IL10RA: variants seen among roughly 807,000 people sequenced by gnomAD.
IL10RA encodes the protein interleukin-10 receptor subunit alpha.
A neutral mutation model predicts 29.6 loss-of-function variants in IL10RA; 18 were observed. The observed-to-expected ratio is 0.61, with a 90% CI of 0.42 to 0.90. The LOEUF is 0.90. Ranked by LOEUF, IL10RA falls within the 40% of genes least tolerant of loss-of-function variation. The pLI, the probability that IL10RA is intolerant of heterozygous loss-of-function variation, is 0.00. For missense variants in IL10RA, 634 were observed against 716.6 expected (o/e 0.88, Z 1.32); for synonymous variants, 292 against 294.1 (o/e 0.99, Z 0.07).
At chr11:117,988,615 C>T (rs2058003547) in intron 2 of IL10RA, 113 bp downstream of exon 2, 8 of 1,230,808 alleles carry the variant, frequency 6.5e-6, no homozygotes, top group Non-Finnish European at 9.4e-6. Flanking sequence ...CCTGAGGGCC[C>T]CTAACACATA....
chr11:117,995,738 C>A lies in IL10RA; in HGVS notation c.810+28C>A, dbSNP rs184863279. ...GAGTCTTGCAAGGAGGTCACTGCCC[C>A]GTCCTTCCCAGCCACACCCGAGCTT... On this transcript the variant is annotated intron_variant, in intron 6 of 6. Transcript: ENST00000227752. 6.2e-5 allele frequency: 100 copies of A among 1,608,646 alleles called. No homozygotes were observed. The Admixed American group carries it at 7.0e-4, about 11-fold the overall frequency.
rs768366983 is a variant in IL10RA, at chr11:118,000,046, G to A, written c.*405G>A. 17 of 462,218 alleles carry A rather than the reference G, an allele frequency of 3.7e-5. No individual in the cohort carries two copies. 28.6% of individuals were successfully genotyped at this position (462,218 alleles called of 1,614,324 possible). On this transcript the variant is annotated 3_prime_UTR_variant, in exon 7 of 7. Transcript: ENST00000227752. ...CTCAGACCCAGACCTCCCTGCTTAG[G>A]CCACTCGAGCATCAGAGCTTCCAGC...
chr11:117,997,116 C>A (rs1216253414), intron 6 of IL10RA, among the ~76,000 whole-genome samples: 1 of 152,204 alleles, frequency 6.6e-6, no homozygotes, highest in Non-Finnish European at 1.5e-5. Context: ...GATTTCAAAT[C>A]AGGACAGTTG....
chr11:117,986,658 C>A, intron 1 of IL10RA, 124 bp downstream of exon 1: 5 of 1,537,240 alleles, frequency 3.3e-6, no homozygotes, highest in South Asian at 2.4e-5. Flanking sequence ...CGGGTGCTCC[C>A]TTACTCTGGC....
chr11:117,995,519 C>T (rs1398614167), intron 5 of IL10RA, 70 bp from the exon 6 acceptor site: 1 of 1,595,852 alleles, frequency 6.3e-7, no homozygotes, highest in African/African-American at 1.3e-5. Flanking sequence ...TTCATGGGAC[C>T]AGAGTCCTAT....
chr11:117,992,541 A>G (rs1480412903), intron 3 of IL10RA, among the ~76,000 whole-genome samples: 2 of 152,092 alleles, frequency 1.3e-5, no homozygotes, highest in African/African-American at 2.4e-5. Flanking sequence ...AAACAGGTTT[A>G]TTTGTTTTCT....
Position 117,995,597 on chromosome 11 carries a change from G to A in IL10RA, c.697G>A (p.Val233Met), listed in dbSNP as rs41354146. The A allele has an allele frequency of 1.2e-3, 2,004 of 1,614,162 alleles. 9 individuals are homozygous for A. In the African/African-American group the frequency reaches 0.013, roughly 10 times the overall value. The change falls in exon 6 of 7, where the codon GTG (valine) becomes ATG (methionine). Residue 233 changes from valine to methionine, a missense_variant. Physicochemically the swap from Val to Met is conservative, Grantham distance 21. Coordinates refer to ENST00000227752, the MANE Select transcript of IL10RA (RefSeq NM_001558.4). ...CISLTRQYFTVTNVIIFFAFV... is the reference protein window; with the variant it reads ...CISLTRQYFTMTNVIIFFAFV... ...TCTCTCTGGGCCTGCAGATTTCACCGTGACCAACGTCATCATCTTCTTTGC... is the reference window on the plus strand; with the variant it reads ...TCTCTCTGGGCCTGCAGATTTCACCATGACCAACGTCATCATCTTCTTTGC...
rs991735793 is a variant in IL10RA at position 117,989,724 on chromosome 11, C to T, written c.367+104C>T. The T allele has an allele frequency of 4.9e-6, 6 of 1,214,104 alleles. No homozygotes were observed. In the African/African-American group the frequency reaches 9.0e-5, roughly 18 times the overall value. The allele number at this position is 1,214,104 out of a possible 1,614,324, so 75.2% of individuals were successfully genotyped here. A position where few individuals can be genotyped will look rare whatever the true frequency, so the allele number is the denominator to read the frequency against. On this transcript the variant is annotated intron_variant, in intron 3 of 6. Coordinates refer to ENST00000227752, the MANE Select transcript of IL10RA (RefSeq NM_001558.4). The surrounding 1 kb of genome is among the most constrained non-coding windows in gnomAD (Gnocchi z 4.5). ...TATTACCATAGCTCACCATGTCTGC[C>T]AGCCTCCCTGGCCGGAGAACTAGTT...
At chr11:117,994,771 A>G (rs925119873) in intron 5 of IL10RA, among the ~76,000 whole-genome samples, 8 of 152,292 alleles carry the variant, frequency 5.3e-5, no homozygotes, top group East Asian at 1.9e-4. Flanking sequence ...CCAGTGCCCA[A>G]TGAAACATGC....
At position 117,999,223 on chromosome 11, in the gene IL10RA, C is replaced by T; in HGVS notation, c.1319C>T (p.Ala440Val). 6.2e-7 allele frequency: 1 copy of T among 1,614,252 alleles called. No homozygotes were observed. The highest frequency in any genetic ancestry group is 1.1e-5 in the South Asian group (1 of 91,088). The change falls in exon 7 of 7, where the codon GCT becomes GTT. Residue 440 changes from alanine to valine, a missense_variant. Ala to Val is a moderately conservative substitution (Grantham distance 64). Transcript: ENST00000227752. The part of the protein sequence containing the change: ...PEVPGEEDPA[A>V]VAFQGYLRQT... Reference sequence around the variant, plus strand: ...GTGCCTGGGGAAGAAGACCCAGCTGCTGTGGCATTCCAGGGTTACCTGAGG... The same window carrying T: ...GTGCCTGGGGAAGAAGACCCAGCTGTTGTGGCATTCCAGGGTTACCTGAGG...
rs1193135307 is a variant in IL10RA at position 117,994,114 on chromosome 11, G to A, written c.653G>A (p.Trp218Ter). The change falls in exon 5 of 7, where the codon TGG becomes TAG. Residue 218 changes from tryptophan to a stop codon, truncating the protein, a stop_gained. Transcript: ENST00000227752. LOFTEE classifies it high-confidence loss of function. ...SVASRSNKGM[W>*]SKEECISLTR... ...GCTTCCCGAAGTAACAAGGGGATGT[G>A]GTCTAAAGAGGAGTGCATCTCCCTC... 1 of 1,614,030 alleles carries A rather than the reference G, an allele frequency of 6.2e-7. No individual in the cohort carries two copies. Among genetic ancestry groups the A allele is most frequent in the African/African-American group, 1.3e-5 (1 of 74,916 alleles).
At chr11:117,990,352 ATT>A (rs11355213) in intron 3 of IL10RA, among the ~76,000 whole-genome samples, 22,078 of 149,144 alleles carry the variant, frequency 0.15, 1,929 homozygotes, top group African/African-American at 0.24. Flanking sequence ...GGGCATCTGT[ATT>A]TTTTTTTTTT....
At chr11:117,995,445 G>C (rs534037259) in intron 5 of IL10RA, 144 bp from the exon 6 acceptor site, 12 of 985,552 alleles carry the variant, frequency 1.2e-5, no homozygotes, top group Non-Finnish European at 1.3e-5. Flanking sequence ...GACACATCTA[G>C]AGTTGTGGCC....
chr11:117,988,565 C>G (rs766261724), intron 2 of IL10RA, 63 bp downstream of exon 2: 2 of 1,591,950 alleles, frequency 1.3e-6, no homozygotes, highest in Non-Finnish European at 1.7e-6. Context: ...CTCTACTCTC[C>G]TAGCATGGGA....
At position 117,986,467 on chromosome 11, in the gene IL10RA, G is replaced by T. The variant is rs771652917; in HGVS notation, c.-1G>T. 6.4e-7 allele frequency: 1 copy of T among 1,553,352 alleles called. No homozygotes were observed. The highest frequency in any genetic ancestry group is 1.2e-5 in the South Asian group (1 of 84,216). ...GCCCCGGACGATGCGGCGCGCCCAG[G>T]ATGCTGCCGTGCCTCGTAGTGCTGC... On this transcript the variant is annotated 5_prime_UTR_variant, in exon 1 of 7. Coordinates refer to ENST00000227752, the MANE Select transcript of IL10RA (RefSeq NM_001558.4).
rs372503247 is a variant in IL10RA at position 117,999,443 on chromosome 11, G to A, written c.1539G>A (p.Thr513=). Reference sequence around the variant, plus strand: ...CTCTGGCTTCCTCAGGGGCCCCAACGGGACAGTGGAACCAGCCCACTGAGG... The same window carrying A: ...CTCTGGCTTCCTCAGGGGCCCCAACAGGACAGTGGAACCAGCCCACTGAGG... ...EMTLASSGAP[T]GQWNQPTEEW... Residue 513 remains threonine, a synonymous_variant, in exon 7 of 7, where the codon ACG becomes ACA. Coordinates refer to ENST00000227752, the MANE Select transcript of IL10RA (RefSeq NM_001558.4). 9.9e-5 allele frequency: 159 copies of A among 1,614,078 alleles called. 1 individual carries two copies. Among genetic ancestry groups the A allele is most frequent in the Non-Finnish European group, 1.2e-4 (140 of 1,180,024 alleles).
At chr11:117,987,339 G>A (rs1201911365) in intron 1 of IL10RA, 1 of 179,518 alleles carries the variant, frequency 5.6e-6, no homozygotes, top group African/African-American at 2.4e-5. Context: ...CTAATGTTTC[G>A]AAATCAAGGC....
chr11:117,988,376 C>G lies in IL10RA; in HGVS notation c.68-6C>G, dbSNP rs200115456. On this transcript the variant is annotated splice_region_variant and splice_polypyrimidine_tract_variant and intron_variant, in intron 1 of 6. Transcript: ENST00000227752. The stretch of plus-strand genomic sequence containing the variant: ...CCAGCTGTGGTACTGACACTCTTCT[C>G]CCCAGGGACAGAGCTGCCCAGCCCT... 6.2e-7 allele frequency: 1 copy of G among 1,613,968 alleles called. No homozygotes were observed. Among genetic ancestry groups the G allele is most frequent in the Non-Finnish European group, 8.5e-7 (1 of 1,179,998 alleles).
At chr11:117,992,811 G>T (rs966719275) in intron 3 of IL10RA, among the ~76,000 whole-genome samples, 1 of 152,198 alleles carries the variant, frequency 6.6e-6, no homozygotes, top group African/African-American at 2.4e-5. Context: ...TCTTCTGGTG[G>T]TTTTTATAGT....
Sources: allele counts gnomAD v4.1 joint callset (sites outside exome capture counted in the v4.1 genomes callset), GRCh38; gene constraint gnomAD v4.1.1; non-coding constraint Gnocchi (gnomAD v3.1); transcripts MANE v1.5; gene names NCBI Gene and HGNC (gene_info 2026-07-23, HGNC 2026-07-21).